The following CNTN5 variants were observed in gnomAD, a reference collection of about 807,000 sequenced individuals.
CNTN5 encodes the protein contactin-5.
Under a neutral mutation model 129.1 loss-of-function variants are expected in CNTN5, and 77 were observed. The ratio of observed to expected loss-of-function variants is 0.60; its 90% CI spans 0.50 to 0.72. The LOEUF is 0.72. CNTN5 is among the 30% of genes least tolerant of loss of function. The pLI is 0.00. For synonymous variants in CNTN5, 509 were observed against 465.6 expected (o/e 1.09, Z -1.20); for missense variants, 1,478 against 1,328.8 (o/e 1.11, Z -1.75).
chr11:99,066,296 G>T (rs915165005), intron 1 of CNTN5, among the ~76,000 whole-genome samples: 7 of 151,876 alleles, frequency 4.6e-5, no homozygotes, highest in African/African-American at 1.5e-4. Context: ...TGGAGATGGG[G>T]TTTCACCATG....
In CNTN5 at chr11:100,133,120, T is replaced by C. The variant is rs943497986; in HGVS notation, c.1581-58006T>C. Among the ~76,000 whole-genome samples the C allele has an allele frequency of 2.6e-5, 4 of 152,074 alleles. No homozygotes were observed. The South Asian group carries it at 6.2e-4, about 24-fold the overall frequency. The stretch of plus-strand genomic sequence containing the variant: ...GGTAATTTTCTCAAAAATGACCACA[T>C]AGATCAAAAGAAATTATATACACTG... On this transcript the variant is annotated intron_variant, in intron 13 of 24. Coordinates refer to ENST00000524871, the MANE Select transcript of CNTN5 (RefSeq NM_014361.4).
intron 2 of CNTN5, among the ~76,000 whole-genome samples, chr11:99,351,557 C>T (rs975614605): frequency 5.3e-5 from 8 of 152,066 alleles, no homozygotes; most frequent in Non-Finnish European, 8.8e-5. Context: ...ATATAAAATA[C>T]CTAAGCATTA....
chr11:100,020,371 C>A (rs934992550), intron 9 of CNTN5, among the ~76,000 whole-genome samples: 1 of 151,984 alleles, frequency 6.6e-6, no homozygotes, highest in African/African-American at 2.4e-5. Context: ...ATTTCCTACA[C>A]CATTTATTAA....
intron 17 of CNTN5, among the ~76,000 whole-genome samples, chr11:100,269,810 A>G (rs965819442): frequency 1.3e-5 from 2 of 152,170 alleles, no homozygotes; most frequent in African/African-American, 4.8e-5. Context: ...GAGATGACTT[A>G]TATAAGTAAA....
At chr11:99,067,063 G>A (rs1454322733) in intron 1 of CNTN5, among the ~76,000 whole-genome samples, 1 of 152,034 alleles carries the variant, frequency 6.6e-6, no homozygotes, top group Non-Finnish European at 1.5e-5. Context: ...TCTATCATTA[G>A]CAGTTCCCCA....
chr11:100,040,600 A>G (rs1942319158), intron 9 of CNTN5, among the ~76,000 whole-genome samples: 1 of 152,158 alleles, frequency 6.6e-6, no homozygotes, highest in Non-Finnish European at 1.5e-5. Context: ...GGCCTCCTTG[A>G]GCTGTGGTGG....
chr11:99,391,770 T>C (rs1231624088), intron 2 of CNTN5, among the ~76,000 whole-genome samples: 1 of 152,010 alleles, frequency 6.6e-6, no homozygotes, highest in Non-Finnish European at 1.5e-5. Flanking sequence ...ATTGCTTTCT[T>C]CTGATCACAT....
intron 9 of CNTN5, among the ~76,000 whole-genome samples, chr11:100,038,219 T>G (rs1565813504): frequency 6.6e-6 from 1 of 152,200 alleles, no homozygotes; most frequent in Admixed American, 6.5e-5. Flanking sequence ...CTTCATTTCG[T>G]TATGTACCCA....
rs544958533 is a variant in CNTN5, at chr11:100,116,674, A to T, written c.1580+42380A>T. ...ACAATTTTATTTTACCTGTATAATG[A>T]TAATATAATATCTTTTTTCTTCCTC... On this transcript the variant is annotated intron_variant, in intron 13 of 24. Transcript: ENST00000524871. Among the ~76,000 whole-genome samples, 3 of 152,120 alleles carry T rather than the reference A, an allele frequency of 2.0e-5. No individual in the cohort carries two copies. In the East Asian group the frequency reaches 5.8e-4, roughly 29 times the overall value.
chr11:99,729,000 A>G (rs1242522695), intron 3 of CNTN5, among the ~76,000 whole-genome samples: 1 of 152,150 alleles, frequency 6.6e-6, no homozygotes, highest in Non-Finnish European at 1.5e-5. Flanking sequence ...TCTTCAGTAG[A>G]GTGATTTCAA....
At chr11:99,999,872 T>C (rs1221585008) in intron 8 of CNTN5, among the ~76,000 whole-genome samples, 1 of 151,840 alleles carries the variant, frequency 6.6e-6, no homozygotes, top group Non-Finnish European at 1.5e-5. Flanking sequence ...ATGGATGAAA[T>C]TGGAAATCAT....
chr11:100,008,901 C>T (rs1467538287), intron 9 of CNTN5, among the ~76,000 whole-genome samples: 1 of 152,026 alleles, frequency 6.6e-6, no homozygotes, highest in African/African-American at 2.4e-5. Flanking sequence ...TGTGATTTCT[C>T]TTGGAAAGTA....
At position 99,100,601 on chromosome 11, in the gene CNTN5, G is replaced by A. The variant is rs188105519; in HGVS notation, c.-210+79331G>A. Among the ~76,000 whole-genome samples, 676 of 152,146 alleles carry A rather than the reference G, an allele frequency of 4.4e-3. 4 individuals carry two copies. The highest frequency in any genetic ancestry group is 0.015 in the African/African-American group (643 of 41,518). ...AAGCTTTAACAAGGTCTTAGGGGCT[G>A]AAGCAAATAAAGGAGAAAATAAAAT... On this transcript the variant is annotated intron_variant, in intron 1 of 24. Coordinates refer to ENST00000524871, the MANE Select transcript of CNTN5 (RefSeq NM_014361.4).
At chr11:99,559,893 C>T (rs1473716275) in intron 3 of CNTN5, among the ~76,000 whole-genome samples, 1 of 152,032 alleles carries the variant, frequency 6.6e-6, no homozygotes, top group Non-Finnish European at 1.5e-5. Context: ...TACCAAACTA[C>T]ACAAACATAT....
intron 3 of CNTN5, among the ~76,000 whole-genome samples, chr11:99,664,937 CTT>C (rs1469800210): frequency 6.6e-6 from 1 of 152,132 alleles, no homozygotes; most frequent in African/African-American, 2.4e-5. Flanking sequence ...AACACAGAAT[CTT>C]TTTCCTGGTA....
chr11:100,320,608 G>T (rs1951671053), intron 21 of CNTN5, among the ~76,000 whole-genome samples: 1 of 151,204 alleles, frequency 6.6e-6, no homozygotes, highest in Non-Finnish European at 1.5e-5. Flanking sequence ...GTTTTTTTTG[G>T]GTCATATCCA....
chr11:99,901,189 C>T (rs1949347422), intron 6 of CNTN5, among the ~76,000 whole-genome samples: 1 of 152,110 alleles, frequency 6.6e-6, no homozygotes, highest in Non-Finnish European at 1.5e-5. Flanking sequence ...TCATCATCAC[C>T]ATCTTGTCTC....
At chr11:99,962,427 G>A (rs1208420049) in intron 8 of CNTN5, among the ~76,000 whole-genome samples, 6 of 151,566 alleles carry the variant, frequency 4.0e-5, no homozygotes, top group African/African-American at 1.2e-4. Context: ...TTGTCCTTGC[G>A]ATAGTTTGCT....
intron 1 of CNTN5, among the ~76,000 whole-genome samples, chr11:99,155,319 CTT>C (rs990618670): frequency 6.6e-6 from 1 of 152,188 alleles, no homozygotes; most frequent in African/African-American, 2.4e-5. Context: ...AGTCTTATCA[CTT>C]TTAATTTCTT....
Sources: gnomAD v4.1 joint callset for allele counts (sites outside exome capture counted in the v4.1 genomes callset) on GRCh38, gnomAD v4.1.1 for gene constraint, MANE v1.5 for transcripts, NCBI Gene and HGNC (gene_info 2026-07-23, HGNC 2026-07-21) for gene names.